Variants in ACOXL observed in about 807,000 individuals in gnomAD.
ACOXL encodes the protein acyl-CoA oxidase like.
ACOXL carries 70 observed loss-of-function variants against 71.9 expected under a neutral mutation model. The ratio of observed to expected loss-of-function variants is 0.97; its 90% CI spans 0.80 to 1.19. The LOEUF (loss-of-function observed/expected upper bound fraction) is 1.19. Ranked by LOEUF, ACOXL falls within the 50% of genes most tolerant of loss-of-function variation. The pLI is 0.00. For missense variants in ACOXL, 703 were observed against 736.3 expected (o/e 0.95, Z 0.52); for synonymous variants, 253 against 281.6 (o/e 0.90, Z 1.02).
intron 11 of ACOXL, among the ~76,000 whole-genome samples, chr2:110,928,302 G>A (rs923412877): frequency 1.3e-5 from 2 of 152,234 alleles, no homozygotes; most frequent in African/African-American, 4.8e-5. Context: ...ACGGGACAGA[G>A]ATTTTTCTCT....
chr2:110,976,567 A>T (rs906370442), intron 12 of ACOXL, among the ~76,000 whole-genome samples: 3 of 152,224 alleles, frequency 2.0e-5, no homozygotes, highest in Non-Finnish European at 4.4e-5. Context: ...GAACTGCAGG[A>T]AAGCATTCAA....
At chr2:110,749,057 G>A (rs1158103760) in intron 1 of ACOXL, among the ~76,000 whole-genome samples, 1 of 152,152 alleles carries the variant, frequency 6.6e-6, no homozygotes. Flanking sequence ...CAGAATGTCT[G>A]TGCTACCTGG....
At chr2:110,790,560 C>T (rs543287889) in intron 3 of ACOXL, among the ~76,000 whole-genome samples, 2 of 152,260 alleles carry the variant, frequency 1.3e-5, no homozygotes, top group South Asian at 2.1e-4. Flanking sequence ...GTTTGAAGTT[C>T]GAGTTTTCAT....
intron 14 of ACOXL, among the ~76,000 whole-genome samples, chr2:111,024,645 C>T (rs2064933815): frequency 6.6e-6 from 1 of 152,074 alleles, no homozygotes; most frequent in Non-Finnish European, 1.5e-5. Flanking sequence ...ATAGTGCAGC[C>T]TTTAAAACTG....
At position 111,074,621 on chromosome 2, in the gene ACOXL, G is replaced by T. The variant is rs549791662; in HGVS notation, c.1441-18244G>T. Among the ~76,000 whole-genome samples, 4 of 151,888 alleles carry T rather than the reference G, an allele frequency of 2.6e-5. No individual in the cohort carries two copies. In the South Asian group the frequency reaches 6.2e-4, roughly 24 times the overall value. On this transcript the variant is annotated intron_variant, in intron 16 of 17. Transcript: ENST00000439055. ...CTTTTGATTTTTTTTTGGAAACCAG[G>T]TCTCATACCATCTCCCGTGCTGGAG...
At chr2:111,000,699 G>A (rs1206445468) in intron 14 of ACOXL, among the ~76,000 whole-genome samples, 2 of 152,120 alleles carry the variant, frequency 1.3e-5, no homozygotes, top group East Asian at 3.9e-4. Flanking sequence ...CATCTCTCCA[G>A]GCTCCCCCTC....
chr2:110,807,331 AGCGAT>A (rs1479411656), intron 9 of ACOXL, among the ~76,000 whole-genome samples: 3 of 152,204 alleles, frequency 2.0e-5, no homozygotes, highest in East Asian at 3.9e-4. Flanking sequence ...GCTGGCCCAG[AGCGAT>A]GCTCCATAGC....
At chr2:110,820,925 T>A (rs911535084) in intron 9 of ACOXL, among the ~76,000 whole-genome samples, 3 of 152,160 alleles carry the variant, frequency 2.0e-5, no homozygotes, top group Non-Finnish European at 2.9e-5. Context: ...GGATTGGGAA[T>A]ATGTCCTCCC....
intron 14 of ACOXL, among the ~76,000 whole-genome samples, chr2:111,012,493 C>A (rs1243718027): frequency 6.6e-6 from 1 of 152,186 alleles, no homozygotes; most frequent in Non-Finnish European, 1.5e-5. Flanking sequence ...CTAATTCAAT[C>A]TTCTTGATAT....
chr2:110,804,340 A>G (rs1289632395), intron 8 of ACOXL, among the ~76,000 whole-genome samples: 2 of 152,162 alleles, frequency 1.3e-5, no homozygotes, highest in Non-Finnish European at 2.9e-5. Context: ...GGATGTAGAG[A>G]AATTAGGACT....
intron 12 of ACOXL, among the ~76,000 whole-genome samples, chr2:110,977,969 C>T (rs1314486019): frequency 6.6e-6 from 1 of 152,164 alleles, no homozygotes; most frequent in Non-Finnish European, 1.5e-5. Flanking sequence ...CACCAGAGAA[C>T]ACCTTCTTGA....
chr2:110,784,636 A>T (rs1224524358), intron 2 of ACOXL, 96 bp from the exon 3 acceptor site: 1 of 906,270 alleles, frequency 1.1e-6, no homozygotes, highest in African/African-American at 1.7e-5. Context: ...TTTATTTTTT[A>T]TTATAAAAGT....
chr2:111,045,839 TGCTAGCCC>T (rs2065993499), intron 15 of ACOXL, among the ~76,000 whole-genome samples: 1 of 152,202 alleles, frequency 6.6e-6, no homozygotes, highest in Non-Finnish European at 1.5e-5. Context: ...GGCTGTAGGC[TGCTAGCCC>T]CATAAAACTC....
intron 13 of ACOXL, among the ~76,000 whole-genome samples, chr2:110,991,054 T>C (rs1287155361): frequency 6.6e-6 from 1 of 152,160 alleles, no homozygotes; most frequent in East Asian, 1.9e-4. Flanking sequence ...ATTCATCAAA[T>C]TTGAAAATAA....
intron 12 of ACOXL, among the ~76,000 whole-genome samples, chr2:110,982,541 G>A (rs916315190): frequency 1.3e-5 from 2 of 152,136 alleles, no homozygotes; most frequent in African/African-American, 2.4e-5. Flanking sequence ...GCATCTAAAA[G>A]AGGTAAAGAG....
intron 10 of ACOXL, among the ~76,000 whole-genome samples, chr2:110,890,220 A>G (rs1383711178): frequency 2.6e-5 from 4 of 152,102 alleles, no homozygotes; most frequent in Non-Finnish European, 4.4e-5. Context: ...ATGATGAGAG[A>G]TATGATTTGC....
chr2:110,930,260 A>T (rs1419010308), intron 11 of ACOXL, among the ~76,000 whole-genome samples: 1 of 152,218 alleles, frequency 6.6e-6, no homozygotes, highest in Non-Finnish European at 1.5e-5. Context: ...GTCAAAGGAG[A>T]TCATTTTGGA....
chr2:111,057,431 A>T (rs2066599282), intron 16 of ACOXL, among the ~76,000 whole-genome samples: 1 of 152,182 alleles, frequency 6.6e-6, no homozygotes, highest in South Asian at 2.1e-4. Context: ...CTTGGCTCGG[A>T]AGACTTTACG....
At chr2:110,990,483 A>G (rs1415273084) in intron 13 of ACOXL, among the ~76,000 whole-genome samples, 2 of 152,002 alleles carry the variant, frequency 1.3e-5, no homozygotes, top group African/African-American at 2.4e-5. Context: ...TTCCTTTCCA[A>G]CTGTTATTTA....
Sources: allele counts gnomAD v4.1 joint callset (sites outside exome capture counted in the v4.1 genomes callset), GRCh38; gene constraint gnomAD v4.1.1; transcripts MANE v1.5; gene names NCBI Gene and HGNC (gene_info 2026-07-23, HGNC 2026-07-21).